The following ORC4 variants were observed in gnomAD, a reference collection of about 807,000 sequenced individuals.
ORC4 encodes origin recognition complex subunit 4, also known as origin recognition complex, subunit 4 homolog.
ORC4 carries 55 observed loss-of-function variants against 63.9 expected under a neutral mutation model. The ratio of observed to expected loss-of-function variants is 0.86; its 90% CI spans 0.69 to 1.08. ORC4 has a LOEUF of 1.08. Ranked by LOEUF, ORC4 falls within the 50% of genes least tolerant of loss-of-function variation. ORC4 has a pLI of 0.00. For synonymous variants in ORC4, 150 were observed against 168.5 expected (o/e 0.89, Z 0.85); for missense variants, 511 against 504.4 (o/e 1.01, Z -0.13).
intron 6 of ORC4, among the ~76,000 whole-genome samples, chr2:147,956,638 A>G (rs1000285539): frequency 3.9e-5 from 6 of 152,088 alleles, no homozygotes; most frequent in Non-Finnish European, 1.5e-5. Context: ...ATTAATTTCT[A>G]TAGCAGTATT....
At chr2:147,989,933 T>C (rs1230425490) in intron 1 of ORC4, among the ~76,000 whole-genome samples, 2 of 152,162 alleles carry the variant, frequency 1.3e-5, no homozygotes, top group Non-Finnish European at 2.9e-5. Flanking sequence ...TTTTCTCTAA[T>C]ACCCTTACTT....
At chr2:147,950,188 A>C (rs2105291685) in intron 8 of ORC4, among the ~76,000 whole-genome samples, 1 of 152,304 alleles carries the variant, frequency 6.6e-6, no homozygotes, top group South Asian at 2.1e-4. Context: ...ATTAAGAAAG[A>C]GTTCTAGGTC....
intron 1 of ORC4, among the ~76,000 whole-genome samples, chr2:148,019,782 G>A (rs918911452): frequency 6.6e-6 from 1 of 152,202 alleles, no homozygotes; most frequent in Non-Finnish European, 1.5e-5. Flanking sequence ...AACCAGCACT[G>A]TTTCACTATA....
Position 147,932,572 on chromosome 2 carries a change from C to T in ORC4, c.*2938G>A, listed in dbSNP as rs1488345185. 1.3e-5 allele frequency: 2 copies of T among 152,152 alleles called. No individual in the cohort carries two copies. Among genetic ancestry groups the T allele is most frequent in the Non-Finnish European group, 2.9e-5 (2 of 68,020 alleles). The allele number at this position is 152,152 out of a possible 1,614,324, so 9.4% of individuals were successfully genotyped here. On this transcript the variant is annotated 3_prime_UTR_variant, in exon 14 of 14. Coordinates refer to ENST00000392857, the MANE Select transcript of ORC4 (RefSeq NM_181741.4). ...TACAGTGAGGCTTACACCTTGACAA[C>T]TGCAAGAATGAGGATAGTGGTGAGT...
At chr2:148,002,940 T>G (rs1018584422) in intron 1 of ORC4, among the ~76,000 whole-genome samples, 4 of 152,076 alleles carry the variant, frequency 2.6e-5, no homozygotes, top group African/African-American at 9.7e-5. Flanking sequence ...TCACCACTGA[T>G]CCCACAGAAA....
chr2:147,937,306 G>A (rs1366505633), intron 13 of ORC4, among the ~76,000 whole-genome samples: 3 of 152,066 alleles, frequency 2.0e-5, no homozygotes, highest in Non-Finnish European at 4.4e-5. Flanking sequence ...AGGCTACTGA[G>A]CACTTCAATG....
intron 7 of ORC4, among the ~76,000 whole-genome samples, chr2:147,953,554 A>C (rs1689081276): frequency 6.6e-6 from 1 of 152,244 alleles, no homozygotes; most frequent in Non-Finnish European, 1.5e-5. Flanking sequence ...TTGTTTATTT[A>C]GTAGAAATAC....
intron 9 of ORC4, among the ~76,000 whole-genome samples, chr2:147,945,685 G>T (rs1371527368): frequency 6.6e-6 from 1 of 152,046 alleles, no homozygotes; most frequent in African/African-American, 2.4e-5. Context: ...GGATATCAAG[G>T]TTCAATCTTA....
chr2:148,010,805 T>C (rs1692917853), intron 1 of ORC4, among the ~76,000 whole-genome samples: 2 of 150,156 alleles, frequency 1.3e-5, no homozygotes, highest in Non-Finnish European at 1.5e-5. Context: ...TTCTCCAAAA[T>C]CAAGGAGGAT....
intron 9 of ORC4, among the ~76,000 whole-genome samples, chr2:147,946,918 T>A (rs1370173546): frequency 6.6e-6 from 1 of 152,072 alleles, no homozygotes; most frequent in Non-Finnish European, 1.5e-5. Flanking sequence ...CTGTTTATCA[T>A]GTATTCTTTT....
At chr2:147,963,927 C>T (rs146902327) in intron 4 of ORC4, among the ~76,000 whole-genome samples, 1 of 152,152 alleles carries the variant, frequency 6.6e-6, no homozygotes, top group African/African-American at 2.4e-5. Context: ...CCACATCAAA[C>T]TGACACCTCG....
At chr2:148,002,138 T>C (rs147393308) in intron 1 of ORC4, among the ~76,000 whole-genome samples, 5,195 of 152,252 alleles carry the variant, frequency 0.034, 122 homozygotes, top group Middle Eastern at 0.088. Context: ...CAAAGAGACT[T>C]AGACCCCCCC....
chr2:147,970,197 AG>A (rs532244125), intron 4 of ORC4, among the ~76,000 whole-genome samples: 51 of 152,268 alleles, frequency 3.3e-4, no homozygotes, highest in Admixed American at 2.7e-3. Context: ...AACTGACAAA[AG>A]TCTTAAATAA....
At chr2:147,977,515 T>C (rs529397757) in intron 1 of ORC4, among the ~76,000 whole-genome samples, 10 of 152,230 alleles carry the variant, frequency 6.6e-5, no homozygotes, top group South Asian at 4.1e-4. Flanking sequence ...TGTGTTAGCG[T>C]TGAGATTCAG....
rs372068728 is a variant in ORC4 at position 147,964,390 on chromosome 2, T to C, written c.226-5524A>G. On this transcript the variant is annotated intron_variant, in intron 4 of 13. Transcript: ENST00000392857. ...TAAATTGAAGACAAATTGTTTGAAA[T>C]AACACAGGCAGACAAGAAAAAAAAT... Among the ~76,000 whole-genome samples the C allele has an allele frequency of 5.3e-5, 8 of 151,810 alleles. No individual in the cohort carries two copies. The East Asian group carries it at 1.2e-3, about 22-fold the overall frequency.
chr2:147,993,287 GT>G (rs1001251764), intron 1 of ORC4, among the ~76,000 whole-genome samples: 1 of 152,012 alleles, frequency 6.6e-6, no homozygotes, highest in African/African-American at 2.4e-5. Context: ...TGAAAGGGAA[GT>G]TTTTTCTTGG....
At chr2:147,992,244 C>G (rs1355664380) in intron 1 of ORC4, among the ~76,000 whole-genome samples, 1 of 152,156 alleles carries the variant, frequency 6.6e-6, no homozygotes, top group Non-Finnish European at 1.5e-5. Flanking sequence ...GCGACAGACA[C>G]TTGAATCAAC....
chr2:147,992,260 CT>C (rs939313714), intron 1 of ORC4, among the ~76,000 whole-genome samples: 1 of 151,906 alleles, frequency 6.6e-6, no homozygotes, highest in Admixed American at 6.6e-5. Context: ...TCAACGAAAA[CT>C]TTTTTTTGTT....
intron 1 of ORC4, among the ~76,000 whole-genome samples, chr2:147,989,630 C>A (rs1284251039): frequency 2.0e-5 from 3 of 152,062 alleles, no homozygotes; most frequent in Non-Finnish European, 2.9e-5. Context: ...CTGCTTGAAC[C>A]CAGGAGGCGG....
Sources: allele counts gnomAD v4.1 joint callset (sites outside exome capture counted in the v4.1 genomes callset), GRCh38; gene constraint gnomAD v4.1.1; transcripts MANE v1.5; gene names NCBI Gene and HGNC (gene_info 2026-07-23, HGNC 2026-07-21).